Variants in NXPH1 observed in about 807,000 individuals in gnomAD.
NXPH1 encodes the protein neurexophilin 1, also known as neurexophilin-1.
Under a neutral mutation model 23.7 loss-of-function variants are expected in NXPH1, and 5 were observed. The ratio of observed to expected loss-of-function variants is 0.21; its 90% CI spans 0.11 to 0.44. The LOEUF (loss-of-function observed/expected upper bound fraction) is 0.44. Ranked by LOEUF, NXPH1 falls within the 20% of genes least tolerant of loss-of-function variation. The pLI is 0.99. For missense variants in NXPH1, 324 were observed against 321.6 expected (o/e 1.01, Z -0.06); for synonymous variants, 144 against 122.2 (o/e 1.18, Z -1.18).
chr7:8,720,958 T>C (rs1779960637), intron 2 of NXPH1, among the ~76,000 whole-genome samples: 1 of 152,194 alleles, frequency 6.6e-6, no homozygotes, highest in African/African-American at 2.4e-5. Context: ...AAATAAGCTG[T>C]AGAGTCATGA....
chr7:8,552,779 G>A (rs1314486228), intron 2 of NXPH1, among the ~76,000 whole-genome samples: 1 of 151,402 alleles, frequency 6.6e-6, no homozygotes, highest in African/African-American at 2.4e-5. Flanking sequence ...GTCACCATTC[G>A]ACTACCCTTA....
intron 2 of NXPH1, among the ~76,000 whole-genome samples, chr7:8,524,164 C>A (rs1320973828): frequency 7.0e-6 from 1 of 143,868 alleles, no homozygotes; most frequent in Non-Finnish European, 1.5e-5. Flanking sequence ...ATCGCTTGAA[C>A]CTGGGTGGTA....
At chr7:8,464,617 G>A (rs1816749268) in intron 2 of NXPH1, among the ~76,000 whole-genome samples, 2 of 152,104 alleles carry the variant, frequency 1.3e-5, no homozygotes, top group Non-Finnish European at 2.9e-5. Flanking sequence ...TTTGAATTCT[G>A]TTTAGTTCTG....
intron 2 of NXPH1, among the ~76,000 whole-genome samples, chr7:8,670,477 A>G (rs1046254114): frequency 2.0e-5 from 3 of 152,188 alleles, no homozygotes; most frequent in African/African-American, 4.8e-5. Context: ...GGTACTAACT[A>G]TTGTCTGAAT....
intron 2 of NXPH1, among the ~76,000 whole-genome samples, chr7:8,689,277 G>A (rs760027891): frequency 6.6e-6 from 1 of 151,282 alleles, no homozygotes; most frequent in Non-Finnish European, 1.5e-5. Context: ...AGTAAAGTAG[G>A]TGTGCTTTCT....
chr7:8,667,556 A>G (rs1468570757), intron 2 of NXPH1, among the ~76,000 whole-genome samples: 3 of 151,438 alleles, frequency 2.0e-5, no homozygotes, highest in African/African-American at 7.3e-5. Flanking sequence ...ATCTGATTCT[A>G]GCCTGATTGG....
intron 2 of NXPH1, among the ~76,000 whole-genome samples, chr7:8,571,258 G>T (rs1458088140): frequency 6.6e-6 from 1 of 151,848 alleles, no homozygotes; most frequent in African/African-American, 2.4e-5. Flanking sequence ...AAAGGAGGGT[G>T]TGAGGACCAC....
chr7:8,739,969 TTGTC>T (rs1455149981), intron 2 of NXPH1, among the ~76,000 whole-genome samples: 1 of 152,180 alleles, frequency 6.6e-6, no homozygotes, highest in African/African-American at 2.4e-5. Flanking sequence ...CAGTCCATCT[TTGTC>T]TGAACATCAG....
At chr7:8,485,675 CT>C (rs1399629987) in intron 2 of NXPH1, among the ~76,000 whole-genome samples, 1 of 152,076 alleles carries the variant, frequency 6.6e-6, no homozygotes, top group Non-Finnish European at 1.5e-5. Flanking sequence ...CAAAAGACTT[CT>C]CATTTGCCAA....
intron 2 of NXPH1, among the ~76,000 whole-genome samples, chr7:8,665,384 C>T (rs6956210): frequency 0.7 from 106,310 of 151,868 alleles, 37,887 homozygotes; most frequent in East Asian, 1. Flanking sequence ...GTCTACTTTC[C>T]TTTTATATGC....
At chr7:8,709,472 C>T (rs1292244600) in intron 2 of NXPH1, among the ~76,000 whole-genome samples, 1 of 152,100 alleles carries the variant, frequency 6.6e-6, no homozygotes. Context: ...CTCTTTGCCA[C>T]CTACCTCTCT....
In NXPH1 at chr7:8,618,786, G is replaced by A. The variant is rs113999383; in HGVS notation, c.55-132222G>A. 3.5e-3 allele frequency among the ~76,000 whole-genome samples: 532 copies of A among 152,272 alleles called. 4 individuals carry two copies. The highest frequency in any genetic ancestry group is 0.012 in the African/African-American group (496 of 41,570). ...ATCTTTATATGTTGAATCTGCATAA[G>A]AAGAACTGGAGAATGTGTGTTCTTT... On this transcript the variant is annotated intron_variant, in intron 2 of 2. Coordinates refer to ENST00000405863, the MANE Select transcript of NXPH1 (RefSeq NM_152745.3).
At chr7:8,660,781 A>T (rs1185335492) in intron 2 of NXPH1, among the ~76,000 whole-genome samples, 2 of 152,200 alleles carry the variant, frequency 1.3e-5, no homozygotes, top group African/African-American at 4.8e-5. Context: ...TTAATTTTTT[A>T]TGACACTGTA....
intron 2 of NXPH1, among the ~76,000 whole-genome samples, chr7:8,551,989 C>A (rs1230224826): frequency 6.6e-6 from 1 of 150,974 alleles, no homozygotes; most frequent in South Asian, 2.1e-4. Flanking sequence ...TTTTCTTAAA[C>A]AAAAGACACA....
intron 2 of NXPH1, among the ~76,000 whole-genome samples, chr7:8,737,763 G>T (rs950791789): frequency 2.3e-4 from 35 of 152,154 alleles, no homozygotes; most frequent in African/African-American, 8.4e-4. Context: ...TCACTTTCAG[G>T]TACACCAGTC....
chr7:8,477,591 C>T (rs1816998026), intron 2 of NXPH1, among the ~76,000 whole-genome samples: 1 of 152,116 alleles, frequency 6.6e-6, no homozygotes, highest in African/African-American at 2.4e-5. Context: ...TCTCACAAGT[C>T]TTAATGCGCC....
intron 2 of NXPH1, among the ~76,000 whole-genome samples, chr7:8,498,763 A>G (rs1412848530): frequency 2.0e-5 from 3 of 152,046 alleles, no homozygotes; most frequent in Non-Finnish European, 4.4e-5. Flanking sequence ...TAGGGGAAAT[A>G]TCTAATGTGT....
At chr7:8,662,187 T>TACACAC (rs1423090743) in intron 2 of NXPH1, among the ~76,000 whole-genome samples, 2,010 of 150,692 alleles carry the variant, frequency 0.013, 43 homozygotes, top group African/African-American at 0.045. Context: ...TATATATATA[T>TACACAC]ATACACACAT....
At chr7:8,642,759 A>G (rs1241796630) in intron 2 of NXPH1, among the ~76,000 whole-genome samples, 1 of 152,180 alleles carries the variant, frequency 6.6e-6, no homozygotes, top group Non-Finnish European at 1.5e-5. Context: ...TCAATGGAGA[A>G]TAGTAACTGC....
Sources: allele counts gnomAD v4.1 joint callset (sites outside exome capture counted in the v4.1 genomes callset), GRCh38; gene constraint gnomAD v4.1.1; transcripts MANE v1.5; gene names NCBI Gene and HGNC (gene_info 2026-07-23, HGNC 2026-07-21).